ZFHX4: variants seen among roughly 807,000 people sequenced by gnomAD.
The protein encoded by ZFHX4 is zinc finger homeobox 4.
ZFHX4 carries 56 observed loss-of-function variants against 267.6 expected under a neutral mutation model. The observed-to-expected ratio is 0.21, with a 90% CI of 0.17 to 0.26. The LOEUF (loss-of-function observed/expected upper bound fraction) is 0.26. Ranked by LOEUF, ZFHX4 falls within the 10% of genes least tolerant of loss-of-function variation. The pLI, the probability that ZFHX4 is intolerant of heterozygous loss-of-function variation, is 1.00. For synonymous variants in ZFHX4, 1,778 were observed against 1,665.6 expected (o/e 1.07, Z -1.64); for missense variants, 4,332 against 4,420.0 (o/e 0.98, Z 0.56).
intron 3 of ZFHX4, among the ~76,000 whole-genome samples, chr8:76,768,179 A>C (rs1048344516): frequency 6.6e-6 from 1 of 152,160 alleles, no homozygotes; most frequent in African/African-American, 2.4e-5. Flanking sequence ...ACATTTAAAA[A>C]ATGGTGAGTG....
chr8:76,746,493 C>T (rs1809463440), intron 3 of ZFHX4, among the ~76,000 whole-genome samples: 1 of 152,096 alleles, frequency 6.6e-6, no homozygotes, highest in South Asian at 2.1e-4. Flanking sequence ...AGGATTCACC[C>T]CGGTGATCAT....
chr8:76,774,881 T>A (rs1405827363), intron 3 of ZFHX4, among the ~76,000 whole-genome samples: 1 of 152,108 alleles, frequency 6.6e-6, no homozygotes, highest in Non-Finnish European at 1.5e-5. Flanking sequence ...TACCTAAAAC[T>A]TTTGCGTTTT....
In ZFHX4 at chr8:76,691,417, G is replaced by T. The variant is rs533117334; in HGVS notation, c.-47+9797G>T. On this transcript the variant is annotated intron_variant, in intron 1 of 10. Transcript: ENST00000651372. ...AACAAGAACAACACTTCAATTCCGT[G>T]TAAGGAAAGGATATGAAGTCAAGGC... Among the ~76,000 whole-genome samples the T allele has an allele frequency of 3.3e-5, 5 of 152,178 alleles. No individual in the cohort carries two copies. The East Asian group carries it at 9.6e-4, about 29-fold the overall frequency.
At chr8:76,700,080 G>T (rs552970022) in intron 1 of ZFHX4, among the ~76,000 whole-genome samples, 1 of 152,076 alleles carries the variant, frequency 6.6e-6, no homozygotes, top group East Asian at 1.9e-4. Flanking sequence ...CAGAGACAGT[G>T]ATGACCTTTT....
rs528832001 is a variant in ZFHX4 at position 76,787,460 on chromosome 8, C to G, written c.3325+9021C>G. Among the ~76,000 whole-genome samples, 6 of 152,024 alleles carry G rather than the reference C, an allele frequency of 3.9e-5. No individual in the cohort carries two copies. In the East Asian group the frequency reaches 1.2e-3, roughly 30 times the overall value. On this transcript the variant is annotated intron_variant, in intron 4 of 10. Coordinates refer to ENST00000651372, the MANE Select transcript of ZFHX4 (RefSeq NM_024721.5). ...CAGGGTGTGTTGGAGGTCAGTAGCA[C>G]AGTTTGGCTGAGATGCATGGTACTT...
At chr8:76,786,767 G>T (rs1229474875) in intron 4 of ZFHX4, among the ~76,000 whole-genome samples, 1 of 152,120 alleles carries the variant, frequency 6.6e-6, no homozygotes, top group African/African-American at 2.4e-5. Context: ...AGAACTTCGG[G>T]CAGGGATCAC....
At chr8:76,730,810 A>G (rs1415441018) in intron 3 of ZFHX4, among the ~76,000 whole-genome samples, 1 of 152,138 alleles carries the variant, frequency 6.6e-6, no homozygotes, top group Non-Finnish European at 1.5e-5. Context: ...CACACAAAGA[A>G]CTAATAAGAC....
intron 3 of ZFHX4, among the ~76,000 whole-genome samples, chr8:76,738,864 G>A (rs1278416749): frequency 3.3e-5 from 5 of 151,850 alleles, no homozygotes; most frequent in Non-Finnish European, 5.9e-5. Flanking sequence ...ACTGGCATGC[G>A]CCACCAAGCC....
chr8:76,849,731 G>A lies in ZFHX4; in HGVS notation c.3846+19G>A. On this transcript the variant is annotated intron_variant, in intron 8 of 10. Transcript: ENST00000651372. ...TATGACAGTAAGGATACCAAATATT[G>A]ATGCATGTGTGACATAATCTGTGTC... The A allele has an allele frequency of 1.3e-6, 2 of 1,598,872 alleles. No homozygotes were observed. Among genetic ancestry groups the A allele is most frequent in the Non-Finnish European group, 8.6e-7 (1 of 1,167,086 alleles).
intron 3 of ZFHX4, among the ~76,000 whole-genome samples, chr8:76,729,208 T>A (rs953860211): frequency 2.0e-5 from 3 of 152,152 alleles, no homozygotes; most frequent in Non-Finnish European, 4.4e-5. Context: ...CCTATAGATC[T>A]ACTACCATTG....
chr8:76,854,796 G>C lies in ZFHX4; in HGVS notation c.7875G>C (p.Leu2625Phe). ...TGGAAATACTCTATGAAAAATACTT[G>C]CTGGATTCCAATCCTACCAGAAAAA... ...EQLEILYEKY[L>F]LDSNPTRKML... Residue 2625 changes from leucine (L) to phenylalanine (F), a missense_variant, in exon 10 of 11, where the codon TTG (leucine) becomes TTC (phenylalanine). By Grantham distance (22) the Leu-to-Phe change is conservative (BLOSUM62 0). Around this residue, in one of 7 missense-constraint regions of ZFHX4, gnomAD observed 1,648 missense variants for 1,625.0 expected, o/e 1.01. Transcript: ENST00000651372. The C allele has an allele frequency of 6.2e-7, 1 of 1,611,072 alleles. No homozygotes were observed. Among genetic ancestry groups the C allele is most frequent in the Non-Finnish European group, 8.5e-7 (1 of 1,178,906 alleles).
chr8:76,788,900 A>G (rs1482933352), intron 4 of ZFHX4, among the ~76,000 whole-genome samples: 1 of 152,222 alleles, frequency 6.6e-6, no homozygotes, highest in Admixed American at 6.5e-5. Context: ...AACTGATCAG[A>G]TTATTTTAGC....
intron 1 of ZFHX4, among the ~76,000 whole-genome samples, chr8:76,692,419 C>T (rs745786122): frequency 1.2e-4 from 18 of 152,182 alleles, no homozygotes; most frequent in African/African-American, 2.4e-4. Flanking sequence ...GATACTGTTA[C>T]GTGGTATCCT....
At position 76,704,601 on chromosome 8, in the gene ZFHX4, A is replaced by T; in HGVS notation, c.513A>T (p.Ala171=). The part of the protein sequence containing the change: ...FSTAMFLDSL[A]SAGEKSDQSA... Reference sequence around the variant, plus strand: ...CAGCGATGTTCCTGGACTCCCTGGCATCTGCTGGAGAGAAGAGTGATCAGT... The same window carrying T: ...CAGCGATGTTCCTGGACTCCCTGGCTTCTGCTGGAGAGAAGAGTGATCAGT... Residue 171 remains alanine (A), a synonymous_variant, in exon 2 of 11, where the codon GCA becomes GCT. Coordinates refer to ENST00000651372, the MANE Select transcript of ZFHX4 (RefSeq NM_024721.5). 1 of 1,614,026 alleles carries T rather than the reference A, an allele frequency of 6.2e-7. No homozygotes were observed. The highest frequency in any genetic ancestry group is 1.1e-5 in the South Asian group (1 of 91,082).
intron 5 of ZFHX4, among the ~76,000 whole-genome samples, chr8:76,835,289 T>A (rs1373017869): frequency 2.8e-5 from 3 of 107,188 alleles, no homozygotes; most frequent in Non-Finnish European, 5.5e-5. Flanking sequence ...AAAATGGCAG[T>A]TACACCTTCT....
At chr8:76,798,248 C>T (rs1811033558) in intron 4 of ZFHX4, among the ~76,000 whole-genome samples, 1 of 152,020 alleles carries the variant, frequency 6.6e-6, no homozygotes, top group African/African-American at 2.4e-5. Context: ...TCTTTGTTTT[C>T]ATTTTTATCT....
chr8:76,702,618 G>A (rs549770320), intron 1 of ZFHX4, among the ~76,000 whole-genome samples: 1 of 152,232 alleles, frequency 6.6e-6, no homozygotes, highest in East Asian at 1.9e-4. Flanking sequence ...GGCTGAGATA[G>A]TACATATTTA....
At chr8:76,796,998 C>T (rs76422446) in intron 4 of ZFHX4, among the ~76,000 whole-genome samples, 239 of 152,286 alleles carry the variant, frequency 1.6e-3, no homozygotes, top group African/African-American at 5.3e-3. Flanking sequence ...TCTCCTCTAA[C>T]GTAAAGCGAC....
At chr8:76,683,087 G>C (rs989313368) in intron 1 of ZFHX4, 1 of 152,240 alleles carries the variant, frequency 6.6e-6, no homozygotes, top group Admixed American at 6.6e-5. Context: ...TCGGCCGCTC[G>C]GGCTGGGGTC....
Sources: gnomAD v4.1 joint callset for allele counts (sites outside exome capture counted in the v4.1 genomes callset) on GRCh38, gnomAD v4.1.1 for gene constraint, gnomAD v4.1.1 regional missense constraint, MANE v1.5 for transcripts, NCBI Gene and HGNC (gene_info 2026-07-23, HGNC 2026-07-21) for gene names.